The following CACNA2D4 variants were observed in gnomAD, a reference collection of about 807,000 sequenced individuals.
The protein encoded by CACNA2D4 is calcium voltage-gated channel auxiliary subunit alpha2delta 4, also known as voltage-dependent calcium channel subunit alpha-2/delta-4.
CACNA2D4 carries 157 observed loss-of-function variants against 163.8 expected under a neutral mutation model. The observed-to-expected ratio is 0.96, with a 90% CI of 0.84 to 1.09. CACNA2D4 has a LOEUF of 1.09. Ranked by LOEUF, CACNA2D4 falls within the 50% of genes least tolerant of loss-of-function variation. The pLI, the probability that CACNA2D4 is intolerant of heterozygous loss-of-function variation, is 0.00. For missense variants in CACNA2D4, 1,410 were observed against 1,479.9 expected, an observed-to-expected ratio of 0.95 and a Z score of 0.78; for synonymous variants, 598 against 586.9, an observed-to-expected ratio of 1.02 and a Z score of -0.27.
intron 1 of CACNA2D4, among the ~76,000 whole-genome samples, chr12:1,916,072 G>A (rs931074570): frequency 2.0e-5 from 3 of 152,220 alleles, no homozygotes; most frequent in African/African-American, 4.8e-5. Flanking sequence ...GCCTGCAAAG[G>A]GGTCTGGGAG....
chr12:1,794,506 G>C (rs1195332543), intron 37 of CACNA2D4, among the ~76,000 whole-genome samples: 1 of 152,166 alleles, frequency 6.6e-6, no homozygotes, highest in African/African-American at 2.4e-5. Flanking sequence ...GATGCCAATC[G>C]CAAGCCCCAG....
intron 26 of CACNA2D4, among the ~76,000 whole-genome samples, chr12:1,823,545 C>T (rs1157436681): frequency 6.6e-6 from 1 of 152,178 alleles, no homozygotes; most frequent in East Asian, 1.9e-4. Context: ...CTACTGGGGC[C>T]TCCTGCTCCC....
At chr12:1,842,835 G>C (rs1865057855) in intron 25 of CACNA2D4, among the ~76,000 whole-genome samples, 4 of 152,180 alleles carry the variant, frequency 2.6e-5, no homozygotes, top group Admixed American at 2.6e-4. Flanking sequence ...TTTCAGCCTT[G>C]GGGTGGACGG....
intron 6 of CACNA2D4, 58 bp downstream of exon 6, chr12:1,907,382 C>CTCTTG (rs1555187451): frequency 3.5e-6 from 1 of 287,362 alleles, no homozygotes; most frequent in Non-Finnish European, 5.1e-6. Flanking sequence ...TTCAGTGCCC[C>CTCTTG]TATTATTTCC....
intron 26 of CACNA2D4, among the ~76,000 whole-genome samples, chr12:1,826,045 C>T (rs959183440): frequency 6.6e-6 from 1 of 152,156 alleles, no homozygotes; most frequent in Non-Finnish European, 1.5e-5. Flanking sequence ...TACATAGACT[C>T]CACAGGCCCG....
rs61591365 is a variant in CACNA2D4, at chr12:1,908,852, G to T, written c.487-815C>A. 4.4e-3 allele frequency among the ~76,000 whole-genome samples: 581 copies of T among 130,654 alleles called. 1 individual carries two copies. Among genetic ancestry groups the T allele is most frequent in the African/African-American group, 0.017 (489 of 28,286 alleles). 85.7% of individuals were successfully genotyped at this position (130,654 alleles called of 152,430 possible). A position where few individuals can be genotyped will look rare whatever the true frequency, so the allele number is the denominator to read the frequency against. Reference sequence around the variant, plus strand: ...AACTCCCACGCCGGACTGCGTCACGGACATCCCCACGCCAACTCCCACGCC... The same window carrying T: ...AACTCCCACGCCGGACTGCGTCACGTACATCCCCACGCCAACTCCCACGCC... On this transcript the variant is annotated intron_variant, in intron 4 of 37. Coordinates refer to ENST00000382722, the MANE Select transcript of CACNA2D4 (RefSeq NM_172364.5).
At position 1,847,066 on chromosome 12, in the gene CACNA2D4, C is replaced by T. The variant is rs1231855273; in HGVS notation, c.2247-377G>A. ...AGGAACTTCTCATGCCCAGCACGTACCAGGCACCTCCTGGTCTTACAGCCC... is the reference window on the plus strand; with the variant it reads ...AGGAACTTCTCATGCCCAGCACGTATCAGGCACCTCCTGGTCTTACAGCCC... On this transcript the variant is annotated intron_variant, in intron 23 of 37. Coordinates refer to ENST00000382722, the MANE Select transcript of CACNA2D4 (RefSeq NM_172364.5). Among the ~76,000 whole-genome samples, 3 of 152,338 alleles carry T rather than the reference C, an allele frequency of 2.0e-5. No homozygotes were observed. In the East Asian group the frequency reaches 5.8e-4, roughly 29 times the overall value.
chr12:1,844,478 G>T lies in CACNA2D4; in HGVS notation c.2394C>A (p.Phe798Leu). 2 of 1,613,590 alleles carry T rather than the reference G, an allele frequency of 1.2e-6. No individual in the cohort carries two copies. The highest frequency in any genetic ancestry group is 1.7e-6 in the Non-Finnish European group (2 of 1,179,800). Residue 798 changes from phenylalanine (F) to leucine (L), a missense_variant, in exon 25 of 38, where the codon TTC becomes TTA. Coordinates refer to ENST00000382722, the MANE Select transcript of CACNA2D4 (RefSeq NM_172364.5). The surrounding 1 kb of genome is among the most constrained non-coding windows in gnomAD (Gnocchi z 4.2). ...DEASVFTLDR[F>L]PLWYRQASEH... The stretch of plus-strand genomic sequence containing the variant: ...CTGAGGCCTGGCGGTACCACAGCGG[G>T]AAGCGGTCCAGGGTGAACACGCTGG...
At chr12:1,816,324 A>G (rs1408977323) in intron 26 of CACNA2D4, among the ~76,000 whole-genome samples, 3 of 152,212 alleles carry the variant, frequency 2.0e-5, no homozygotes, top group Non-Finnish European at 2.9e-5. Context: ...CCTGGGAGTT[A>G]TCAGGAAAGC....
chr12:1,915,750 C>T (rs1042552489), intron 1 of CACNA2D4, among the ~76,000 whole-genome samples: 28 of 152,248 alleles, frequency 1.8e-4, no homozygotes, highest in African/African-American at 6.3e-4. Context: ...CCATCTTGGC[C>T]AGGCTGGTGG....
chr12:1,800,275 C>T (rs1863267938), intron 32 of CACNA2D4, 111 bp downstream of exon 32: 1 of 1,220,884 alleles, frequency 8.2e-7, no homozygotes, highest in South Asian at 1.3e-5. Flanking sequence ...TCCCCGGGGT[C>T]TGGTAGCAAG....
chr12:1,823,838 C>T (rs1234602370), intron 26 of CACNA2D4, among the ~76,000 whole-genome samples: 2 of 152,222 alleles, frequency 1.3e-5, no homozygotes, highest in African/African-American at 4.8e-5. Flanking sequence ...GCCGTGGACA[C>T]TGCAGAGGAC....
chr12:1,863,806 G>C (rs1865577633), intron 18 of CACNA2D4, among the ~76,000 whole-genome samples: 1 of 151,056 alleles, frequency 6.6e-6, no homozygotes, highest in Non-Finnish European at 1.5e-5. Context: ...AGCCACAGCA[G>C]ACACATCAGT....
At chr12:1,832,924 C>T (rs144265452) in intron 26 of CACNA2D4, among the ~76,000 whole-genome samples, 73 of 152,332 alleles carry the variant, frequency 4.8e-4, no homozygotes, top group Admixed American at 2.3e-3. Context: ...AGGCTGCATC[C>T]CTGTCAGCAC....
intron 22 of CACNA2D4, among the ~76,000 whole-genome samples, 158 bp downstream of exon 22, chr12:1,855,854 T>C (rs1302965408): frequency 1.3e-5 from 2 of 152,202 alleles, no homozygotes; most frequent in East Asian, 3.8e-4. Flanking sequence ...GGCTATGCCT[T>C]TTTCTTTGGG....
At chr12:1,882,715 G>A (rs1246425368) in intron 13 of CACNA2D4, among the ~76,000 whole-genome samples, 152 bp downstream of exon 13, 1 of 152,160 alleles carries the variant, frequency 6.6e-6, no homozygotes, top group African/African-American at 2.4e-5. Flanking sequence ...AGGAGGAAAA[G>A]CATGGAAAAG....
At chr12:1,817,683 G>A (rs1306644932) in intron 26 of CACNA2D4, among the ~76,000 whole-genome samples, 1 of 152,118 alleles carries the variant, frequency 6.6e-6, no homozygotes. Context: ...ACGGGGTTTC[G>A]CTGTGTTGGC....
Position 1,843,098 on chromosome 12 carries a change from A to C in CACNA2D4, c.2470+1304T>G, listed in dbSNP as rs1000056956. Reference sequence around the variant, plus strand: ...CTTATCTCATGGGGTTGTCTAGATTAAATGAAAAACACGTGGAAAATTGTT... The same window carrying C: ...CTTATCTCATGGGGTTGTCTAGATTCAATGAAAAACACGTGGAAAATTGTT... On this transcript the variant is annotated intron_variant, in intron 25 of 37. Coordinates refer to ENST00000382722, the MANE Select transcript of CACNA2D4 (RefSeq NM_172364.5). This position sits in a 1 kb window ranked among gnomAD's most constrained non-coding sequence, Gnocchi z 4.6. Among the ~76,000 whole-genome samples the C allele has an allele frequency of 1.1e-4, 16 of 152,336 alleles. No homozygotes were observed. The highest frequency in any genetic ancestry group is 3.4e-4 in the African/African-American group (14 of 41,584).
At chr12:1,809,165 G>A (rs906397165) in intron 29 of CACNA2D4, among the ~76,000 whole-genome samples, 4 of 152,146 alleles carry the variant, frequency 2.6e-5, no homozygotes, top group African/African-American at 7.2e-5. Context: ...GTCTCCTTCC[G>A]ACATCCCTGC....
Sources: gnomAD v4.1 joint callset for allele counts (sites outside exome capture counted in the v4.1 genomes callset) on GRCh38, gnomAD v4.1.1 for gene constraint, Gnocchi (gnomAD v3.1) non-coding constraint, MANE v1.5 for transcripts, NCBI Gene and HGNC (gene_info 2026-07-23, HGNC 2026-07-21) for gene names.